The following BCAR3 variants were observed in gnomAD, a reference collection of about 807,000 sequenced individuals.
The protein encoded by BCAR3 is breast cancer anti-estrogen resistance protein 3.
In BCAR3, 37 loss-of-function variants were observed where a neutral mutation model predicts 80.1. That is an observed-to-expected ratio of 0.46 (90% CI 0.36 to 0.61). BCAR3 has a LOEUF of 0.61. BCAR3 is among the 20% of genes least tolerant of loss of function. The pLI is 0.00. For synonymous variants in BCAR3, 389 were observed against 418.9 expected (o/e 0.93, Z 0.87); for missense variants, 978 against 1,068.2 (o/e 0.92, Z 1.18).
At chr1:93,625,450 C>T (rs1447704834) in intron 3 of BCAR3, among the ~76,000 whole-genome samples, 1 of 152,172 alleles carries the variant, frequency 6.6e-6, no homozygotes, top group Non-Finnish European at 1.5e-5. Context: ...ACACAGACCC[C>T]TTCAAAATAC....
intron 2 of BCAR3, among the ~76,000 whole-genome samples, chr1:93,843,851 C>T (rs1655049558): frequency 6.6e-6 from 1 of 152,220 alleles, no homozygotes; most frequent in African/African-American, 2.4e-5. Context: ...CACTTGGTTC[C>T]CACAGTAGGC....
intron 8 of BCAR3, among the ~76,000 whole-genome samples, chr1:93,575,359 A>G (rs142157363): frequency 6.6e-6 from 1 of 152,318 alleles, no homozygotes; most frequent in African/African-American, 2.4e-5. Context: ...GGTAATATGG[A>G]TATCTAGTCT....
At chr1:93,819,301 T>A (rs962873718) in intron 2 of BCAR3, among the ~76,000 whole-genome samples, 5 of 152,212 alleles carry the variant, frequency 3.3e-5, no homozygotes, top group Non-Finnish European at 7.3e-5. Flanking sequence ...CCTGACCTCG[T>A]GATCCACCCA....
rs552919020 is a variant in BCAR3, at chr1:93,829,165, G to A, written c.-63+16402C>T. The stretch of plus-strand genomic sequence containing the variant: ...GGTTTTGTACAGGCTTGAGGAGGCG[G>A]TGACTGATTTACTTAGGGCTCAGGG... On this transcript the variant is annotated intron_variant, in intron 2 of 13. Transcript: ENST00000370244. Among the ~76,000 whole-genome samples the A allele has an allele frequency of 2.1e-3, 324 of 152,290 alleles. 2 individuals are homozygous for A. The highest frequency in any genetic ancestry group is 7.4e-3 in the African/African-American group (306 of 41,568).
intron 2 of BCAR3, among the ~76,000 whole-genome samples, chr1:93,762,917 C>G (rs1258269851): frequency 2.6e-5 from 4 of 152,196 alleles, no homozygotes; most frequent in African/African-American, 9.6e-5. Context: ...TAGGCTCCCC[C>G]ATCTCTTGTC....
chr1:93,625,466 C>T (rs528191192), intron 3 of BCAR3, among the ~76,000 whole-genome samples: 3 of 152,308 alleles, frequency 2.0e-5, no homozygotes, highest in African/African-American at 4.8e-5. Context: ...AATACACCCA[C>T]CTGGGCCTGG....
chr1:93,789,007 TTC>T lies in BCAR3; in HGVS notation c.-63+56558_-63+56559del, dbSNP rs146875213. Among the ~76,000 whole-genome samples the T allele has an allele frequency of 8.9e-3, 1,362 of 152,236 alleles. 21 individuals are homozygous for T. Among genetic ancestry groups the T allele is most frequent in the African/African-American group, 0.03 (1,266 of 41,522 alleles). The stretch of plus-strand genomic sequence containing the variant: ...TCCTTTATTTTTTCTTCCTCTATCT[TTC>T]TCTCTTTTTTGAGAAATGATCTGTC... On this transcript the variant is annotated intron_variant, in intron 2 of 13. Coordinates refer to the BCAR3 transcript ENST00000370244.
rs758352871 is a variant in BCAR3 at position 93,582,348 on chromosome 1, T to G, written c.1639A>C (p.Asn547His). ...LKRAKELFTN[N>H]DPKVIAQHVL... ...TGCTGGGCGATGACCTTGGGGTCGT[T>G]GTTGGTGAACAGTTCTTTTGCACGT... Residue 547 changes from asparagine to histidine, a missense_variant, in exon 7 of 12, where the codon AAC (asparagine) becomes CAC (histidine). By Grantham distance (68) the Asn-to-His change is moderately conservative. Coordinates refer to ENST00000260502, the MANE Select transcript of BCAR3 (RefSeq NM_003567.4). 4 of 1,614,238 alleles carry G rather than the reference T, an allele frequency of 2.5e-6. No individual in the cohort carries two copies. The highest frequency in any genetic ancestry group is 2.5e-6 in the Non-Finnish European group (3 of 1,180,046).
At chr1:93,820,840 C>G (rs188378229) in intron 2 of BCAR3, among the ~76,000 whole-genome samples, 1 of 151,962 alleles carries the variant, frequency 6.6e-6, no homozygotes. Flanking sequence ...TCTGGTAAGC[C>G]GACCTCATCC....
At chr1:93,640,520 C>T (rs1444788367) in intron 3 of BCAR3, among the ~76,000 whole-genome samples, 1 of 152,190 alleles carries the variant, frequency 6.6e-6, no homozygotes, top group Middle Eastern at 3.2e-3. Context: ...CTTCGGAATA[C>T]CTCAACAAGT....
At chr1:93,704,657 G>A (rs751762780) in intron 3 of BCAR3, among the ~76,000 whole-genome samples, 4 of 152,172 alleles carry the variant, frequency 2.6e-5, no homozygotes, top group African/African-American at 7.2e-5. Context: ...GTCCTTGAAA[G>A]TTTTTAGGCA....
intron 9 of BCAR3, 99 bp from the exon 10 acceptor site, chr1:93,567,950 G>A (rs1207786123): frequency 4.4e-6 from 4 of 919,412 alleles, no homozygotes; most frequent in South Asian, 1.4e-5. Context: ...ACTTTGGGAG[G>A]CTGAGGCGGG....
At chr1:93,581,163 GAAAA>G (rs66616010) in intron 7 of BCAR3, among the ~76,000 whole-genome samples, 6 of 122,752 alleles carry the variant, frequency 4.9e-5, no homozygotes, top group Admixed American at 8.6e-5. Context: ...CCCTGTCTCA[GAAAA>G]AAAAAAAAAG....
chr1:93,692,225 C>G (rs1649217739), intron 3 of BCAR3, among the ~76,000 whole-genome samples: 1 of 152,208 alleles, frequency 6.6e-6, no homozygotes, highest in Non-Finnish European at 1.5e-5. Flanking sequence ...CAGTTTGGCC[C>G]TTTCCTCTCT....
intron 9 of BCAR3, among the ~76,000 whole-genome samples, chr1:93,569,238 CA>C (rs1317391479): frequency 2.6e-5 from 4 of 152,304 alleles, no homozygotes; most frequent in Middle Eastern, 3.4e-3. Context: ...CCCTTTAAGA[CA>C]GGTATTTTGG....
At chr1:93,749,550 C>T (rs1436441449) in intron 2 of BCAR3, among the ~76,000 whole-genome samples, 1 of 148,856 alleles carries the variant, frequency 6.7e-6, no homozygotes, top group East Asian at 2.0e-4. Flanking sequence ...GATCGCACCA[C>T]TGCACACCAG....
chr1:93,738,917 T>C (rs1468426039), intron 2 of BCAR3, among the ~76,000 whole-genome samples: 1 of 152,100 alleles, frequency 6.6e-6, no homozygotes, highest in East Asian at 1.9e-4. Flanking sequence ...GGCCAGAGAA[T>C]AGGAGCCGTG....
chr1:93,680,942 C>G (rs1299381843), intron 1 of BCAR3, among the ~76,000 whole-genome samples: 1 of 152,196 alleles, frequency 6.6e-6, no homozygotes, highest in African/African-American at 2.4e-5. Flanking sequence ...TTCCCACCGT[C>G]CCTCCCTTCC....
intron 11 of BCAR3, among the ~76,000 whole-genome samples, chr1:93,566,393 C>CA (rs1672953021): frequency 6.6e-6 from 1 of 152,154 alleles, no homozygotes; most frequent in South Asian, 2.1e-4. Flanking sequence ...CTAAGTGCTC[C>CA]CACAGTATAC....
Sources: gnomAD v4.1 joint callset for allele counts (sites outside exome capture counted in the v4.1 genomes callset) on GRCh38, gnomAD v4.1.1 for gene constraint, MANE v1.5 for transcripts, NCBI Gene and HGNC (gene_info 2026-07-23, HGNC 2026-07-21) for gene names.